Variants in KCNH1 observed in about 807,000 individuals in gnomAD.
KCNH1 encodes potassium voltage-gated channel subfamily H member 1, also known as voltage-gated delayed rectifier potassium channel KCNH1.
KCNH1 carries 27 observed loss-of-function variants against 69.2 expected under a neutral mutation model. The observed-to-expected ratio is 0.39, with a 90% CI of 0.29 to 0.54. The LOEUF is 0.54. Among genes scored for constraint, KCNH1 ranks in the 20% least tolerant of loss-of-function variants. The pLI is 0.68. For synonymous variants in KCNH1, 456 were observed against 487.7 expected (o/e 0.93, Z 0.86); for missense variants, 798 against 1,261.6 (o/e 0.63, Z 5.57).
intron 7 of KCNH1, among the ~76,000 whole-genome samples, chr1:210,901,478 G>A (rs560496896): frequency 4.4e-4 from 67 of 152,272 alleles, no homozygotes; most frequent in Non-Finnish European, 7.9e-4. Context: ...TGGGCAGAGC[G>A]GAACACATGA....
chr1:210,834,530 G>A, intron 7 of KCNH1, among the ~76,000 whole-genome samples: 1 of 101,264 alleles, frequency 9.9e-6, no homozygotes, highest in African/African-American at 4.0e-5. Context: ...TCTGGGGACT[G>A]TTGTGGGGTG....
intron 10 of KCNH1, among the ~76,000 whole-genome samples, chr1:210,721,791 A>C (rs1420993350): frequency 6.7e-6 from 1 of 148,270 alleles, no homozygotes; most frequent in Non-Finnish European, 1.5e-5. Context: ...TAAAACTTAA[A>C]GTATAATAAA....
chr1:211,050,265 A>AAAAAAAC, intron 5 of KCNH1, among the ~76,000 whole-genome samples: 1 of 80,886 alleles, frequency 1.2e-5, no homozygotes, highest in Non-Finnish European at 3.0e-5. Flanking sequence ...ATTCTTAAAA[A>AAAAAAAC]AAAAAAAAAA....
chr1:210,944,483 G>A (rs1017345435), intron 6 of KCNH1, among the ~76,000 whole-genome samples: 3 of 152,186 alleles, frequency 2.0e-5, no homozygotes, highest in Non-Finnish European at 4.4e-5. Context: ...ATATCTAAAT[G>A]GAGAGCTCAA....
intron 10 of KCNH1, among the ~76,000 whole-genome samples, chr1:210,693,003 C>T (rs1374822722): frequency 6.6e-6 from 1 of 152,184 alleles, no homozygotes; most frequent in Admixed American, 6.5e-5. Context: ...CACAGCCCTG[C>T]CCTTTGCGCT....
At chr1:211,086,183 A>G (rs1047568374) in intron 4 of KCNH1, among the ~76,000 whole-genome samples, 16 of 152,280 alleles carry the variant, frequency 1.1e-4, no homozygotes, top group Admixed American at 4.6e-4. Context: ...ACAAATAAAG[A>G]ACAAATATTT....
chr1:210,985,418 G>T (rs1182859580), intron 6 of KCNH1, among the ~76,000 whole-genome samples: 7 of 152,238 alleles, frequency 4.6e-5, no homozygotes, highest in South Asian at 4.2e-4. Context: ...TTGTGGGCAT[G>T]TAGTGCTATA....
intron 5 of KCNH1, among the ~76,000 whole-genome samples, chr1:211,050,726 T>G: frequency 6.6e-6 from 1 of 152,208 alleles, no homozygotes; most frequent in Non-Finnish European, 1.5e-5. Flanking sequence ...CACAGAAATG[T>G]TGCTATCATA....
intron 6 of KCNH1, 135 bp from the exon 7 acceptor site, chr1:210,920,204 G>A: frequency 1.4e-6 from 1 of 718,968 alleles, no homozygotes. Flanking sequence ...CTTAAAAAAA[G>A]TAAAATTAGA....
At chr1:210,806,826 A>ATATATATAT (rs1558477801) in intron 7 of KCNH1, among the ~76,000 whole-genome samples, 4 of 48,224 alleles carry the variant, frequency 8.3e-5, no homozygotes, top group South Asian at 2.5e-3. Context: ...AAAAAAAAAA[A>ATATATATAT]AAAAAAAAAA....
At position 211,018,902 on chromosome 1, in the gene KCNH1, G is replaced by T; in HGVS notation, c.913C>A (p.Pro305Thr). ...TCAAAAGCGTTGATGACATCATATGGCAAACAGGACAGAAGGTCAATCACA... is the reference window on the plus strand; with the variant it reads ...TCAAAAGCGTTGATGACATCATATGTCAAACAGGACAGAAGGTCAATCACA... ...WFVIDLLSCL[P>T]YDVINAFENV... Residue 305 changes from proline (P) to threonine (T), a missense_variant, in exon 6 of 11, where the codon CCA becomes ACA. Around this residue, in one of 4 missense-constraint regions of KCNH1, gnomAD observed 266 missense variants for 457.2 expected, o/e 0.58. Transcript: ENST00000271751. The T allele has an allele frequency of 6.2e-7, 1 of 1,614,032 alleles. No homozygotes were observed.
intron 10 of KCNH1, among the ~76,000 whole-genome samples, chr1:210,730,795 A>T (rs17260725): frequency 6.6e-6 from 1 of 152,076 alleles, no homozygotes; most frequent in African/African-American, 2.4e-5. Flanking sequence ...TGTTCTTTTC[A>T]AATTACACTT....
intron 1 of KCNH1, among the ~76,000 whole-genome samples, chr1:211,110,047 G>A (rs893227286): frequency 6.6e-6 from 1 of 151,484 alleles, no homozygotes; most frequent in African/African-American, 2.4e-5. Flanking sequence ...AAGACATGAG[G>A]ATCAGTCCAA....
At chr1:211,078,074 C>T (rs1690770652) in intron 5 of KCNH1, among the ~76,000 whole-genome samples, 1 of 152,308 alleles carries the variant, frequency 6.6e-6, no homozygotes, top group African/African-American at 2.4e-5. Flanking sequence ...GCTAACTATT[C>T]TAAATATATA....
chr1:210,814,227 G>A (rs937203074), intron 7 of KCNH1, among the ~76,000 whole-genome samples: 1 of 152,014 alleles, frequency 6.6e-6, no homozygotes, highest in Non-Finnish European at 1.5e-5. Flanking sequence ...TTGGAATACT[G>A]GCTCCACTAC....
chr1:210,929,193 C>A (rs1687634852), intron 6 of KCNH1, among the ~76,000 whole-genome samples: 1 of 152,086 alleles, frequency 6.6e-6, no homozygotes, highest in Admixed American at 6.5e-5. Flanking sequence ...CAGTATAACC[C>A]TACTACCAAA....
intron 8 of KCNH1, among the ~76,000 whole-genome samples, chr1:210,799,309 G>C (rs746619655): frequency 2.6e-5 from 4 of 152,154 alleles, no homozygotes; most frequent in Non-Finnish European, 4.4e-5. Context: ...TGGCACAGCT[G>C]GGGTTTCAAA....
At chr1:211,108,592 C>T (rs1691402911) in intron 1 of KCNH1, 1 of 152,154 alleles carries the variant, frequency 6.6e-6, no homozygotes, top group African/African-American at 2.4e-5. Flanking sequence ...CATGCAGACA[C>T]CACTGAAGAC....
rs867419076 is a variant in KCNH1 at position 211,087,637 on chromosome 1, A to G, written c.439+2925T>C. On this transcript the variant is annotated intron_variant, in intron 4 of 10. Transcript: ENST00000271751. ...CACACACACACACACACACACACAC[A>G]CGCACACACACACACACACACACAC... 1.7e-3 allele frequency among the ~76,000 whole-genome samples: 54 copies of G among 31,934 alleles called. No individual in the cohort carries two copies. In the South Asian group the frequency reaches 0.045, roughly 27 times the overall value. 20.9% of individuals were successfully genotyped at this position (31,934 alleles called of 152,430 possible). A position where few individuals can be genotyped will look rare whatever the true frequency, so the allele number is the denominator to read the frequency against.
Sources: gnomAD v4.1 joint callset for allele counts (sites outside exome capture counted in the v4.1 genomes callset) on GRCh38, gnomAD v4.1.1 for gene constraint, gnomAD v4.1.1 regional missense constraint, MANE v1.5 for transcripts, NCBI Gene and HGNC (gene_info 2026-07-23, HGNC 2026-07-21) for gene names.